TMIGD3: variants seen among roughly 807,000 people sequenced by gnomAD.
TMIGD3 encodes AD026 protein (AD026).
A neutral mutation model predicts 28.1 loss-of-function variants in TMIGD3; 21 were observed. The observed-to-expected ratio is 0.75, with a 90% CI of 0.53 to 1.08. The LOEUF is 1.08. Among genes scored for constraint, TMIGD3 ranks in the 50% least tolerant of loss-of-function variants. The pLI is 0.00. For synonymous variants in TMIGD3, 151 were observed against 162.1 expected (o/e 0.93, Z 0.52); for missense variants, 416 against 435.6 (o/e 0.96, Z 0.40).
At chr1:111,559,084 T>C (rs577794317) in intron 1 of TMIGD3, among the ~76,000 whole-genome samples, 230 of 152,266 alleles carry the variant, frequency 1.5e-3, no homozygotes, top group African/African-American at 5.1e-3. Context: ...TTAAAAAACA[T>C]GTATTTAAAC....
chr1:111,529,992 C>A (rs555651444), intron 1 of TMIGD3, among the ~76,000 whole-genome samples: 1 of 90,986 alleles, frequency 1.1e-5, no homozygotes. Context: ...GCTGGCCGGG[C>A]GGGGCGCTGA....
At chr1:111,488,384 C>T (rs1173888085) in intron 3 of TMIGD3, among the ~76,000 whole-genome samples, 3 of 152,204 alleles carry the variant, frequency 2.0e-5, no homozygotes, top group African/African-American at 7.2e-5. Context: ...GATCTCACAT[C>T]TATTAGACCC....
chr1:111,510,337 T>C (rs1655648406), intron 1 of TMIGD3, among the ~76,000 whole-genome samples: 1 of 152,114 alleles, frequency 6.6e-6, no homozygotes, highest in Admixed American at 6.6e-5. Flanking sequence ...GAAAGGTTAA[T>C]ATAAAAAAAC....
chr1:111,500,537 G>C, intron 1 of TMIGD3: 1 of 1,614,174 alleles, frequency 6.2e-7, no homozygotes. Context: ...ATTCTTCTGT[G>C]AGTGGTGACC....
chr1:111,504,773 T>C, upstream of TMIGD3: 4 of 785,114 alleles, frequency 5.1e-6, no homozygotes, highest in Non-Finnish European at 6.2e-6. Context: ...CAGGGTCCTC[T>C]TGTTAGTTGA....
intron 1 of TMIGD3, among the ~76,000 whole-genome samples, chr1:111,540,768 G>C (rs1055214610): frequency 3.3e-5 from 5 of 152,176 alleles, no homozygotes; most frequent in African/African-American, 1.2e-4. Flanking sequence ...TTTGGTAGCA[G>C]ACAAGATTCC....
chr1:111,548,763 C>T (rs905858272), intron 1 of TMIGD3, among the ~76,000 whole-genome samples: 3 of 152,118 alleles, frequency 2.0e-5, no homozygotes, highest in Non-Finnish European at 4.4e-5. Context: ...TTCTTTGGGG[C>T]GTTGTCCCCA....
At chr1:111,542,046 A>C (rs978333163) in intron 1 of TMIGD3, among the ~76,000 whole-genome samples, 4 of 151,500 alleles carry the variant, frequency 2.6e-5, no homozygotes, top group Admixed American at 2.6e-4. Context: ...AAAGAGGAAT[A>C]CCTCTCTTAA....
Position 111,529,522 on chromosome 1 carries a change from G to A in TMIGD3, c.107+34324C>T, listed in dbSNP as rs576136752. 7.7e-4 allele frequency among the ~76,000 whole-genome samples: 115 copies of A among 149,366 alleles called. 1 individual carries two copies. In the East Asian group the frequency reaches 0.017, roughly 21 times the overall value. On this transcript the variant is annotated intron_variant, in intron 1 of 5. Coordinates refer to the TMIGD3 transcript ENST00000369717. Reference sequence around the variant, plus strand: ...TAGGCAGAGGACCCTGCGGCCTTCCGCAGTGTTTGTGTCCCTGGGTACTTG... The same window carrying A: ...TAGGCAGAGGACCCTGCGGCCTTCCACAGTGTTTGTGTCCCTGGGTACTTG...
chr1:111,563,769 T>C (rs1271426711), intron 1 of TMIGD3: 2 of 1,031,646 alleles, frequency 1.9e-6, no homozygotes, highest in Non-Finnish European at 1.5e-6. Context: ...CATGAATAAA[T>C]GTTCCAAAGT....
chr1:111,557,441 T>G (rs1657542332), intron 1 of TMIGD3, among the ~76,000 whole-genome samples: 1 of 151,706 alleles, frequency 6.6e-6, no homozygotes, highest in Non-Finnish European at 1.5e-5. Flanking sequence ...TCCCAGCTAC[T>G]CGGGAGGCTG....
intron 3 of TMIGD3, among the ~76,000 whole-genome samples, chr1:111,487,803 A>G (rs1654455299): frequency 6.6e-6 from 1 of 152,100 alleles, no homozygotes; most frequent in Admixed American, 6.6e-5. Context: ...ATATCTGTAA[A>G]TTATTATTAT....
At chr1:111,487,114 G>A (rs1053855091) in intron 3 of TMIGD3, among the ~76,000 whole-genome samples, 18 of 152,184 alleles carry the variant, frequency 1.2e-4, no homozygotes, top group African/African-American at 1.9e-4. Context: ...AAAACCCAAC[G>A]GGAGCAGTGG....
intron 1 of TMIGD3, among the ~76,000 whole-genome samples, chr1:111,524,624 C>T (rs1656201041): frequency 6.6e-6 from 1 of 151,888 alleles, no homozygotes; most frequent in Non-Finnish European, 1.5e-5. Context: ...GCCCCCTACC[C>T]CCATTTTTTT....
At chr1:111,557,779 A>G (rs1198185476) in intron 1 of TMIGD3, among the ~76,000 whole-genome samples, 2 of 152,186 alleles carry the variant, frequency 1.3e-5, no homozygotes, top group African/African-American at 2.4e-5. Context: ...ACAATAAGTA[A>G]AATAGCTAAT....
upstream of TMIGD3, among the ~76,000 whole-genome samples, chr1:111,507,258 T>C (rs1417676343): frequency 6.7e-6 from 1 of 148,958 alleles, no homozygotes; most frequent in Non-Finnish European, 1.5e-5. Context: ...CCCACCTCTA[T>C]TTTTTTTTTA....
chr1:111,502,240 G>GAT lies in TMIGD3; in HGVS notation c.350+763_350+764dup, dbSNP rs1353746175. On this transcript the variant is annotated intron_variant, in intron 1 of 5. Transcript: ENST00000369716. ...TATATTTATTATAATGAATATATAG[G>GAT]ATATATTTATTATAATAAATATATA... is the stretch of plus-strand genomic sequence containing the variant. Among the ~76,000 whole-genome samples, 165 of 20,092 alleles carry GAT rather than the reference G, an allele frequency of 8.2e-3. 23 individuals carry two copies. The highest frequency in any genetic ancestry group is 0.12 in the Middle Eastern group (2 of 16). 13.2% of individuals were successfully genotyped at this position (20,092 alleles called of 152,430 possible).
chr1:111,489,826 G>T, intron 2 of TMIGD3: 1 of 840,068 alleles, frequency 1.2e-6, no homozygotes, highest in Non-Finnish European at 1.4e-6. Flanking sequence ...TACAAGACCA[G>T]CATAGGCACC....
chr1:111,548,094 C>T (rs900224480), intron 1 of TMIGD3, among the ~76,000 whole-genome samples: 31 of 152,328 alleles, frequency 2.0e-4, no homozygotes, highest in African/African-American at 6.5e-4. Context: ...AATCTCGGCT[C>T]ACTGCAACCT....
Sources: allele counts gnomAD v4.1 joint callset (sites outside exome capture counted in the v4.1 genomes callset), GRCh38; gene constraint gnomAD v4.1.1; transcripts MANE v1.5; gene names NCBI Gene and HGNC (gene_info 2026-07-23, HGNC 2026-07-21).